SVIL: variants seen among roughly 807,000 people sequenced by gnomAD.
SVIL encodes the protein supervillin, also known as archvillin.
SVIL carries 101 observed loss-of-function variants against 240.4 expected under a neutral mutation model. The observed-to-expected ratio is 0.42, with a 90% CI of 0.36 to 0.50. SVIL has a LOEUF of 0.50. Ranked by LOEUF, SVIL falls within the 20% of genes least tolerant of loss-of-function variation. SVIL has a pLI of 0.01. For synonymous variants in SVIL, 999 were observed against 1,100.0 expected (o/e 0.91, Z 1.82); for missense variants, 2,512 against 2,818.7 (o/e 0.89, Z 2.46).
chr10:29,458,292 G>A lies in SVIL; in HGVS notation c.6600C>T (p.Pro2200=), dbSNP rs41299212. 183,856 of 1,613,960 alleles carry A rather than the reference G, an allele frequency of 0.11. 11,845 individuals carry two copies. Among genetic ancestry groups the A allele is most frequent in the Non-Finnish European group, 0.13 (155,900 of 1,179,926 alleles). The change falls in exon 38 of 38, where the codon CCC becomes CCT. Residue 2200 remains proline (P), a synonymous_variant. Transcript: ENST00000355867. ...DMTRDEYNAL[P]AWKQVNLKKA... ...TCTTCAGGTTCACCTGCTTCCAGGCGGGCAGGGCGTTGTATTCATCCCTCG... is the reference window on the plus strand; with the variant it reads ...TCTTCAGGTTCACCTGCTTCCAGGCAGGCAGGGCGTTGTATTCATCCCTCG...
chr10:29,721,080 T>C (rs1257980987), intron 1 of SVIL, among the ~76,000 whole-genome samples: 3 of 152,118 alleles, frequency 2.0e-5, no homozygotes, highest in Non-Finnish European at 4.4e-5. Flanking sequence ...ACTCCTGGCC[T>C]CAAGCAATCC....
chr10:29,725,056 A>C (rs868046554), intron 1 of SVIL, among the ~76,000 whole-genome samples: 35 of 142,710 alleles, frequency 2.5e-4, no homozygotes, highest in African/African-American at 9.1e-4. Flanking sequence ...AAAAAAAAGC[A>C]TGCATGCTCA....
rs189244425 is a variant in SVIL, at chr10:29,624,511, G to A, written c.-201+9909C>T. The stretch of plus-strand genomic sequence containing the variant: ...TGAGATCGATCATGTCAGCCTGGGC[G>A]ACAGAGTGAGACTTCGTCTCAAAAA... On this transcript the variant is annotated intron_variant, in intron 1 of 37. Transcript: ENST00000355867. 8.3e-3 allele frequency among the ~76,000 whole-genome samples: 1,270 copies of A among 152,232 alleles called. 3 individuals are homozygous for A. The highest frequency in any genetic ancestry group is 0.017 in the Middle Eastern group (5 of 292).
intron 1 of SVIL, among the ~76,000 whole-genome samples, chr10:29,612,579 G>A (rs1273987703): frequency 6.6e-6 from 1 of 152,116 alleles, no homozygotes; most frequent in East Asian, 1.9e-4. Flanking sequence ...CAGATAACTT[G>A]TATTTCAAAG....
At chr10:29,736,528 T>C (rs906398136), upstream of SVIL, among the ~76,000 whole-genome samples, 1 of 151,740 alleles carries the variant, frequency 6.6e-6, no homozygotes, top group Non-Finnish European at 1.5e-5. Flanking sequence ...AGTGAACTCT[T>C]CCAGCAGGTT....
chr10:29,458,049 G>C lies in SVIL; in HGVS notation c.*198C>G. On this transcript the variant is annotated 3_prime_UTR_variant, in exon 38 of 38. Coordinates refer to ENST00000355867, the MANE Select transcript of SVIL (RefSeq NM_021738.3). ...CTGATAACCTCCTGAATGGTGGAAA[G>C]AAGTTTCCAAACAGTTCCCTTGAAC... 1.8e-6 allele frequency: 1 copy of C among 564,952 alleles called. No homozygotes were observed. The highest frequency in any genetic ancestry group is 2.6e-5 in the South Asian group (1 of 38,386). 35.0% of individuals were successfully genotyped at this position (564,952 alleles called of 1,614,324 possible).
At chr10:29,644,531 G>A (rs1020095854) in intron 3 of SVIL, among the ~76,000 whole-genome samples, 2 of 152,182 alleles carry the variant, frequency 1.3e-5, no homozygotes, top group South Asian at 2.1e-4. Context: ...ACAGAAGCCC[G>A]ATAAGCTTGT....
exon 3 of SVIL, chr10:29,658,046 A>G (rs1959056712): frequency 6.6e-6 from 1 of 152,250 alleles, no homozygotes; most frequent in Non-Finnish European, 1.5e-5. Context: ...TCAAGTCCTC[A>G]AGGCCATCCA....
chr10:29,582,526 C>T (rs1214665370), intron 1 of SVIL, among the ~76,000 whole-genome samples: 1 of 152,072 alleles, frequency 6.6e-6, no homozygotes, highest in Admixed American at 6.5e-5. Flanking sequence ...TGCTTGAGAC[C>T]AGGAGTTAGA....
In SVIL at chr10:29,533,661, G is replaced by T. The variant is rs996701158; in HGVS notation, c.909-203C>A. On this transcript the variant is annotated intron_variant, in intron 7 of 37. Coordinates refer to ENST00000355867, the MANE Select transcript of SVIL (RefSeq NM_021738.3). ...CAATTTGCATATGTATGCCCAGGAG[G>T]TGCAAAACTAACTCTACCCCTGTAA... Among the ~76,000 whole-genome samples the T allele has an allele frequency of 3.9e-5, 6 of 152,140 alleles. No individual in the cohort carries two copies. The East Asian group carries it at 1.2e-3, about 29-fold the overall frequency.
At chr10:29,470,506 G>A (rs777125128) in intron 31 of SVIL, 23 bp from the exon 32 acceptor site, 8 of 1,613,134 alleles carry the variant, frequency 5.0e-6, no homozygotes, top group East Asian at 4.5e-5. Flanking sequence ...CCGGCGGCGC[G>A]GAGGAGTTAG....
chr10:29,472,432 T>C (rs563463073), intron 30 of SVIL, among the ~76,000 whole-genome samples: 1 of 152,272 alleles, frequency 6.6e-6, no homozygotes, highest in Non-Finnish European at 1.5e-5. Context: ...AGAATGTCTC[T>C]GCTGTCTTCC....
chr10:29,626,502 C>A (rs549472883), intron 1 of SVIL, among the ~76,000 whole-genome samples: 3 of 152,274 alleles, frequency 2.0e-5, no homozygotes, highest in Admixed American at 1.3e-4. Flanking sequence ...CAAAGGGAAA[C>A]GAAAGCCAAG....
intron 1 of SVIL, among the ~76,000 whole-genome samples, chr10:29,709,052 C>T (rs564001287): frequency 2.6e-5 from 4 of 152,106 alleles, no homozygotes; most frequent in South Asian, 4.2e-4. Context: ...GAGAAGGAAC[C>T]GAAGAAGCCT....
At chr10:29,533,569 T>C in intron 7 of SVIL, 111 bp from the exon 8 acceptor site, 7 of 1,442,920 alleles carry the variant, frequency 4.9e-6, no homozygotes, top group Non-Finnish European at 5.4e-6. Flanking sequence ...TGAGAGAGAA[T>C]AACTTGTGAA....
At chr10:29,478,944 AAAAAAAG>A in intron 29 of SVIL, among the ~76,000 whole-genome samples, 1 of 146,322 alleles carries the variant, frequency 6.8e-6, no homozygotes, top group Non-Finnish European at 1.5e-5. Context: ...AAAAAAAAAA[AAAAAAAG>A]AACAAAAAGA....
At chr10:29,511,709 C>A (rs1360477685) in intron 17 of SVIL, among the ~76,000 whole-genome samples, 1 of 152,132 alleles carries the variant, frequency 6.6e-6, no homozygotes, top group Admixed American at 6.6e-5. Flanking sequence ...TTAGTTAAAT[C>A]ATCTTTAACA....
At chr10:29,531,912 A>G (rs764156983) in intron 9 of SVIL, 90 bp downstream of exon 9, 3 of 1,416,998 alleles carry the variant, frequency 2.1e-6, no homozygotes, top group Non-Finnish European at 2.9e-6. Context: ...CCAACATCCT[A>G]TATAAATAGC....
intron 3 of SVIL, among the ~76,000 whole-genome samples, chr10:29,645,853 C>T (rs528362458): frequency 2.0e-5 from 3 of 152,286 alleles, no homozygotes; most frequent in African/African-American, 7.2e-5. Flanking sequence ...GGCTGGTAAT[C>T]TCGTTAGTGG....
Sources: allele counts gnomAD v4.1 joint callset (sites outside exome capture counted in the v4.1 genomes callset), GRCh38; gene constraint gnomAD v4.1.1; transcripts MANE v1.5; gene names NCBI Gene and HGNC (gene_info 2026-07-23, HGNC 2026-07-21).